LTK: variants seen among roughly 807,000 people sequenced by gnomAD.
LTK encodes leukocyte tyrosine kinase receptor.
In LTK, 117 loss-of-function variants were observed where a neutral mutation model predicts 101.5. That is an observed-to-expected ratio of 1.15 (90% confidence interval 0.99 to 1.34). LTK has a LOEUF of 1.34. LTK is among the 40% of genes most tolerant of loss of function. The pLI is 0.00. For synonymous variants in LTK, 563 were observed against 494.2 expected (o/e 1.14, Z -1.85); for missense variants, 1,252 against 1,164.7 (o/e 1.07, Z -1.09).
chr15:41,508,899 A>G, intron 8 of LTK, 132 bp downstream of exon 8: 2 of 612,856 alleles, frequency 3.3e-6, no homozygotes, highest in Middle Eastern at 4.6e-4. Flanking sequence ...AAATGACCCT[A>G]TGCTATGCAA....
At position 41,511,628 on chromosome 15, in the gene LTK, G is replaced by A. The variant is rs774747796; in HGVS notation, c.658-50C>T. On this transcript the variant is annotated intron_variant, in intron 5 of 19. Coordinates refer to ENST00000263800, the MANE Select transcript of LTK (RefSeq NM_002344.6). This position sits in a 1 kb window ranked among gnomAD's most constrained non-coding sequence, Gnocchi z 5.9. ...GGAAGCGCCCTCCAGCTGTCCAGGG[G>A]CACTGCCACTGGGAGAGGGCTCCCG... 9.2e-6 allele frequency: 13 copies of A among 1,416,768 alleles called. No individual in the cohort carries two copies. Among genetic ancestry groups the A allele is most frequent in the Middle Eastern group, 2.0e-4 (1 of 5,020 alleles). The allele number at this position is 1,416,768 out of a possible 1,614,324, so 87.8% of individuals were successfully genotyped here. A position where few individuals can be genotyped will look rare whatever the true frequency, so the allele number is the denominator to read the frequency against.
chr15:41,512,459 C>T (rs373836645), intron 3 of LTK, among the ~76,000 whole-genome samples, 194 bp from the exon 4 acceptor site: 3 of 152,268 alleles, frequency 2.0e-5, no homozygotes, highest in African/African-American at 7.2e-5. Context: ...CAGGAGGGTT[C>T]GTGGAAATGT....
chr15:41,513,466 G>C (rs1231247302), intron 1 of LTK, among the ~76,000 whole-genome samples: 3 of 152,220 alleles, frequency 2.0e-5, no homozygotes, highest in African/African-American at 7.2e-5. Flanking sequence ...TCCTTCCCAA[G>C]CTGCGTGATC....
Position 41,511,586 on chromosome 15 carries a change from G to T in LTK, c.658-8C>A. The T allele has an allele frequency of 7.0e-7, 1 of 1,436,816 alleles. No homozygotes were observed. The highest frequency in any genetic ancestry group is 2.8e-5 in the East Asian group (1 of 36,008). The allele number at this position is 1,436,816 out of a possible 1,614,324, so 89.0% of individuals were successfully genotyped here. A position where few individuals can be genotyped will look rare whatever the true frequency, so the allele number is the denominator to read the frequency against. Reference sequence around the variant, plus strand: ...CAGCTCGCCAGCGCGCACCTGTGGGGCCAGCGGCGTGTTCCAGGAAGCGCC... The same window carrying T: ...CAGCTCGCCAGCGCGCACCTGTGGGTCCAGCGGCGTGTTCCAGGAAGCGCC... On this transcript the variant is annotated splice_region_variant and splice_polypyrimidine_tract_variant and intron_variant, in intron 5 of 19. Coordinates refer to ENST00000263800, the MANE Select transcript of LTK (RefSeq NM_002344.6). The surrounding 1 kb of genome is among the most constrained non-coding windows in gnomAD (Gnocchi z 5.9).
At chr15:41,508,626 G>A (rs2051362444) in intron 8 of LTK, among the ~76,000 whole-genome samples, 1 of 152,078 alleles carries the variant, frequency 6.6e-6, no homozygotes, top group Non-Finnish European at 1.5e-5. Context: ...CCAGCCACAT[G>A]GTTAATTCTA....
rs1347060949 is a variant in LTK at position 41,507,609 on chromosome 15, GC to G, written c.1297del (p.Ala433GlnfsTer5). 1.2e-6 allele frequency: 2 copies of G among 1,613,884 alleles called. No individual in the cohort carries two copies. The highest frequency in any genetic ancestry group is 1.7e-6 in the Non-Finnish European group (2 of 1,179,964). ...CATAAGGAGGCTCAGTGTTGAGGTTGCCACCACAGCCACCATCAGAACCAGA... is the reference window on the plus strand; with the variant it reads ...CATAAGGAGGCTCAGTGTTGAGGTTGCACCACAGCCACCATCAGAACCAGA... The part of the protein sequence containing the change: ...GPLVLMVAVV[A>X]TSTLSLLMVC... On this transcript the variant is annotated frameshift_variant, in exon 10 of 20. Coordinates refer to ENST00000263800, the MANE Select transcript of LTK (RefSeq NM_002344.6). LOFTEE classifies it high-confidence loss of function.
chr15:41,511,109 T>C lies in LTK; in HGVS notation c.997+55A>G, dbSNP rs1007413819. 8.2e-6 allele frequency: 11 copies of C among 1,334,738 alleles called. No individual in the cohort carries two copies. Among genetic ancestry groups the C allele is most frequent in the Non-Finnish European group, 1.1e-5 (11 of 1,045,266 alleles). The allele number at this position is 1,334,738 out of a possible 1,614,324, so 82.7% of individuals were successfully genotyped here. On this transcript the variant is annotated intron_variant, in intron 7 of 19. Coordinates refer to ENST00000263800, the MANE Select transcript of LTK (RefSeq NM_002344.6). This position sits in a 1 kb window ranked among gnomAD's most constrained non-coding sequence, Gnocchi z 5.9. ...AGGGCTCCGGCCTGTACTTAGGTTC[T>C]AACATCACCTCACCCTCGGGCCTGC...
intron 14 of LTK, 29 bp downstream of exon 14, chr15:41,505,372 G>C: frequency 6.3e-7 from 1 of 1,590,784 alleles, no homozygotes; most frequent in South Asian, 1.1e-5. Flanking sequence ...CTTTAGAGGG[G>C]CCTGGGGGGG....
chr15:41,511,722 A>G lies in LTK; in HGVS notation c.657+95T>C. On this transcript the variant is annotated intron_variant, in intron 5 of 19. Coordinates refer to ENST00000263800, the MANE Select transcript of LTK (RefSeq NM_002344.6). This position sits in a 1 kb window ranked among gnomAD's most constrained non-coding sequence, Gnocchi z 5.9. The stretch of plus-strand genomic sequence containing the variant: ...GGCCAGCCCAGCCCAGCGCAGGGAT[A>G]GGGGGACCCCAAGGGACGGACGGAG... The G allele has an allele frequency of 7.0e-7, 1 of 1,430,594 alleles. No homozygotes were observed. The highest frequency in any genetic ancestry group is 2.4e-4 in the Middle Eastern group (1 of 4,134). 88.6% of individuals were successfully genotyped at this position (1,430,594 alleles called of 1,614,324 possible).
In LTK at chr15:41,505,914, C is replaced by A; in HGVS notation, c.1632+1G>T. 6.2e-7 allele frequency: 1 copy of A among 1,613,298 alleles called. No homozygotes were observed. On this transcript the variant is annotated splice_donor_variant, in intron 12 of 19. Coordinates refer to ENST00000263800, the MANE Select transcript of LTK (RefSeq NM_002344.6). LOFTEE classifies it high-confidence loss of function. ...CCAGCCAGAAGTCCCACTCCTCTCA[C>A]CTTGATAGCTACCTGCAGGGGACTG...
Position 41,505,955 on chromosome 15 carries a change from C to T in LTK, c.1592G>A (p.Gly531Asp), listed in dbSNP as rs1484183843. The T allele has an allele frequency of 1.2e-6, 2 of 1,613,944 alleles. No homozygotes were observed. Among genetic ancestry groups the T allele is most frequent in the Admixed American group, 1.7e-5 (1 of 59,986 alleles). The change falls in exon 12 of 20, where the codon GGC becomes GAC. Residue 531 changes from glycine to aspartate, a missense_variant. Gly to Asp is a moderately conservative substitution (Grantham distance 94, BLOSUM62 -1). Coordinates refer to ENST00000263800, the MANE Select transcript of LTK (RefSeq NM_002344.6). ...CAGGGGACTGGAGTCCCCAGGAAGGCCAATTACCAGTCCCTCATACACCTC... is the reference window on the plus strand; with the variant it reads ...CAGGGGACTGGAGTCCCCAGGAAGGTCAATTACCAGTCCCTCATACACCTC... The part of the protein sequence containing the change: ...FGEVYEGLVI[G>D]LPGDSSPLQV...
In LTK at chr15:41,506,007, T is replaced by C. The variant is rs905622975; in HGVS notation, c.1542-2A>G. ...CCAAAGGCACCATGGCCCAGGGCTC[T>C]GCAGGAAGACACGTTGGAAGGGAGT... is the stretch of plus-strand genomic sequence containing the variant. On this transcript the variant is annotated splice_acceptor_variant, in intron 11 of 19. Coordinates refer to ENST00000263800, the MANE Select transcript of LTK (RefSeq NM_002344.6). LOFTEE classifies it high-confidence loss of function. The C allele has an allele frequency of 6.2e-7, 1 of 1,611,576 alleles. No homozygotes were observed. The highest frequency in any genetic ancestry group is 8.5e-7 in the Non-Finnish European group (1 of 1,177,824).
At chr15:41,510,507 G>A (rs1458940474) in intron 7 of LTK, among the ~76,000 whole-genome samples, 1 of 151,084 alleles carries the variant, frequency 6.6e-6, no homozygotes, top group Non-Finnish European at 1.5e-5. Flanking sequence ...TGTCGCCCAG[G>A]CTGAAGTGCA....
At chr15:41,506,161 T>C (rs777861179) in intron 11 of LTK, among the ~76,000 whole-genome samples, 156 bp from the exon 12 acceptor site, 1 of 152,162 alleles carries the variant, frequency 6.6e-6, no homozygotes, top group Non-Finnish European at 1.5e-5. Flanking sequence ...GTAGAAGCCC[T>C]GCAAGGGTGG....
chr15:41,505,961 ACCAGT>A lies in LTK; in HGVS notation c.1581_1585del (p.Leu528AsnfsTer26). On this transcript the variant is annotated frameshift_variant, in exon 12 of 20. Coordinates refer to ENST00000263800, the MANE Select transcript of LTK (RefSeq NM_002344.6). LOFTEE classifies it high-confidence loss of function. ...ACTGGAGTCCCCAGGAAGGCCAATT[ACCAGT>A]CCCTCATACACCTCCCCAAAGGCAC... 1.2e-6 allele frequency: 2 copies of A among 1,613,938 alleles called. No individual in the cohort carries two copies. Among genetic ancestry groups the A allele is most frequent in the Non-Finnish European group, 1.7e-6 (2 of 1,179,932 alleles).
chr15:41,506,951 T>C, intron 11 of LTK, 144 bp downstream of exon 11: 1 of 683,008 alleles, frequency 1.5e-6, no homozygotes, highest in Non-Finnish European at 2.5e-6. Flanking sequence ...CTTCCCCTTC[T>C]GGAGCTTCTC....
Position 41,511,751 on chromosome 15 carries a change from C to G in LTK, c.657+66G>C. ...GGACCCCAAGGGACGGACGGAGAGC[C>G]GGTGCGTGAGCGCCCCTGGGGAGAG... On this transcript the variant is annotated intron_variant, in intron 5 of 19. Coordinates refer to ENST00000263800, the MANE Select transcript of LTK (RefSeq NM_002344.6). This position sits in a 1 kb window ranked among gnomAD's most constrained non-coding sequence, Gnocchi z 5.9. 1 of 1,450,686 alleles carries G rather than the reference C, an allele frequency of 6.9e-7. No homozygotes were observed. The highest frequency in any genetic ancestry group is 1.4e-5 in the South Asian group (1 of 72,288). The allele number at this position is 1,450,686 out of a possible 1,614,324, so 89.9% of individuals were successfully genotyped here.
Position 41,505,310 on chromosome 15 carries a change from G to A in LTK, c.1828-5C>T. ...GACCAGAGGTGATGGCTGGCCCTGG[G>A]TCAGGCAGAGGGGGCATCAGTCCAT... On this transcript the variant is annotated splice_polypyrimidine_tract_variant and splice_region_variant and intron_variant, in intron 14 of 19. Transcript: ENST00000263800. 6.2e-7 allele frequency: 1 copy of A among 1,613,972 alleles called. No individual in the cohort carries two copies. The highest frequency in any genetic ancestry group is 1.3e-5 in the African/African-American group (1 of 74,998).
rs1223657274 is a variant in LTK, at chr15:41,507,543, C to A, written c.1345+19G>T. 3 of 1,611,618 alleles carry A rather than the reference C, an allele frequency of 1.9e-6. No homozygotes were observed. Among genetic ancestry groups the A allele is most frequent in the Non-Finnish European group, 2.5e-6 (3 of 1,179,130 alleles). The stretch of plus-strand genomic sequence containing the variant: ...GAGGAGCAGCCTTGAATCAACTGTG[C>A]CTGCTAGACGCTTCGTACCCAGAAT... On this transcript the variant is annotated intron_variant, in intron 10 of 19. Transcript: ENST00000263800.
Sources: allele counts gnomAD v4.1 joint callset (sites outside exome capture counted in the v4.1 genomes callset), GRCh38; gene constraint gnomAD v4.1.1; non-coding constraint Gnocchi (gnomAD v3.1); transcripts MANE v1.5; gene names NCBI Gene and HGNC (gene_info 2026-07-23, HGNC 2026-07-21).